The following IL12RB1 variants were observed in gnomAD, a reference collection of about 807,000 sequenced individuals.
IL12RB1 encodes the protein interleukin 12 receptor subunit beta 1.
In IL12RB1, 64 loss-of-function variants were observed where a neutral mutation model predicts 94.4. The observed-to-expected ratio is 0.68, with a 90% CI of 0.55 to 0.83. The LOEUF (loss-of-function observed/expected upper bound fraction) is 0.83. Ranked by LOEUF, IL12RB1 falls within the 40% of genes least tolerant of loss-of-function variation. The pLI is 0.00. For missense variants in IL12RB1, 814 were observed against 855.6 expected (o/e 0.95, Z 0.61); for synonymous variants, 362 against 355.5 (o/e 1.02, Z -0.21).
At chr19:18,068,615 C>T (rs1172058194) in intron 10 of IL12RB1, 89 bp from the exon 11 acceptor site, 8 of 1,075,962 alleles carry the variant, frequency 7.4e-6, no homozygotes, top group Non-Finnish European at 1.1e-5. Flanking sequence ...GCCAGGAACC[C>T]CCAGAAAACT....
intron 1 of IL12RB1, chr19:18,097,864 A>G: frequency 2.5e-6 from 3 of 1,216,834 alleles, no homozygotes; most frequent in Non-Finnish European, 3.1e-6. Flanking sequence ...CGGAAGGCAG[A>G]GGGCGCGGCC....
In IL12RB1 at chr19:18,061,149, G is replaced by A. The variant is rs368969256; in HGVS notation, c.1764C>T (p.Ser588=). The change falls in exon 15 of 17, where the codon TCC becomes TCT. Residue 588 remains serine (S), a synonymous_variant. Coordinates refer to ENST00000593993, the MANE Select transcript of IL12RB1 (RefSeq NM_005535.3). ...CPPLPTPCAS[S]AIEFPGGKET... ...CCTTCCCTCCAGGGAACTCAATGGC[G>A]GAGCTGGCACAGGGTGTGGGCAGCG... The A allele has an allele frequency of 3.1e-5, 49 of 1,601,846 alleles. No individual in the cohort carries two copies. The African/African-American group carries it at 4.8e-4, about 16-fold the overall frequency.
intron 12 of IL12RB1, 83 bp from the exon 13 acceptor site, chr19:18,064,093 G>T: frequency 1.1e-6 from 1 of 904,260 alleles, no homozygotes; most frequent in Non-Finnish European, 1.8e-6. Flanking sequence ...CTGTGGGTGG[G>T]GTGGGGATTC....
chr19:18,061,485 C>A (rs2034123897), intron 14 of IL12RB1, among the ~76,000 whole-genome samples: 1 of 152,144 alleles, frequency 6.6e-6, no homozygotes, highest in Non-Finnish European at 1.5e-5. Context: ...CTGCCTCAGC[C>A]TCCCAAAGTG....
upstream of IL12RB1, among the ~76,000 whole-genome samples, chr19:18,087,812 G>A (rs1039704023): frequency 1.3e-5 from 2 of 151,964 alleles, no homozygotes; most frequent in South Asian, 4.2e-4. Flanking sequence ...GTGAGCCACC[G>A]CACCGGGCCA....
upstream of IL12RB1, chr19:18,087,150 G>A: frequency 2.3e-6 from 1 of 436,074 alleles, no homozygotes; most frequent in South Asian, 2.2e-5. Context: ...CCAGCCCCAT[G>A]GGCCCATGGG....
chr19:18,096,690 G>T (rs1042500129), intron 1 of IL12RB1, among the ~76,000 whole-genome samples: 54 of 151,556 alleles, frequency 3.6e-4, no homozygotes, highest in African/African-American at 1.3e-3. Flanking sequence ...CAAAAAATCA[G>T]CCTGGTGTGG....
At chr19:18,077,895 T>C (rs2035604350) in intron 4 of IL12RB1, among the ~76,000 whole-genome samples, 1 of 152,112 alleles carries the variant, frequency 6.6e-6, no homozygotes, top group African/African-American at 2.4e-5. Flanking sequence ...GGAAGATCAC[T>C]TAAGCCCAGG....
intron 1 of IL12RB1, among the ~76,000 whole-genome samples, chr19:18,084,162 C>T (rs2036141050): frequency 6.7e-6 from 1 of 149,490 alleles, no homozygotes; most frequent in African/African-American, 2.5e-5. Context: ...CATCCATCTA[C>T]TCATCCATCC....
intron 2 of IL12RB1, among the ~76,000 whole-genome samples, chr19:18,082,681 C>T (rs932983835): frequency 1.3e-5 from 2 of 152,172 alleles, no homozygotes; most frequent in African/African-American, 2.4e-5. Flanking sequence ...GAACTGTGTC[C>T]GCACATAGAA....
chr19:18,083,382 A>T, intron 2 of IL12RB1, 50 bp downstream of exon 2: 1 of 1,554,956 alleles, frequency 6.4e-7, no homozygotes, highest in Non-Finnish European at 8.9e-7. Context: ...GGATGGGGTC[A>T]GGCAGAGCCC....
chr19:18,068,338 A>T, intron 11 of IL12RB1, 51 bp downstream of exon 11: 1 of 1,464,286 alleles, frequency 6.8e-7, no homozygotes, highest in Non-Finnish European at 9.2e-7. Flanking sequence ...TATTTTTTTA[A>T]ATTATTTAAA....
At chr19:18,083,577 G>A (rs2036064735) in intron 1 of IL12RB1, 86 bp from the exon 2 acceptor site, 3 of 1,340,570 alleles carry the variant, frequency 2.2e-6, no homozygotes, top group East Asian at 2.3e-5. Context: ...ACACCCAAGT[G>A]ATCATCAGCC....
chr19:18,072,815 T>C (rs1461754512), intron 8 of IL12RB1, among the ~76,000 whole-genome samples: 5 of 151,540 alleles, frequency 3.3e-5, no homozygotes, highest in South Asian at 2.1e-4. Context: ...GGCATGGTGG[T>C]GGGCGCCTGT....
intron 1 of IL12RB1, among the ~76,000 whole-genome samples, chr19:18,084,745 C>T (rs2146468865): frequency 6.6e-6 from 1 of 152,284 alleles, no homozygotes; most frequent in South Asian, 2.1e-4. Context: ...ATTCATTTAC[C>T]CACCCATCCA....
chr19:18,086,988 A>T (rs976137623), upstream of IL12RB1: 2 of 1,464,562 alleles, frequency 1.4e-6, no homozygotes, highest in African/African-American at 2.8e-5. Flanking sequence ...CCCTAAGGCA[A>T]GTCAAAGTGA....
rs1469010726 is a variant in IL12RB1, at chr19:18,086,744, G to C, written c.64+16C>G. On this transcript the variant is annotated intron_variant, in intron 1 of 16. Coordinates refer to ENST00000593993, the MANE Select transcript of IL12RB1 (RefSeq NM_005535.3). ...CCCAGCAAGAGGAGCCGCCATGCCA[G>C]GGTCAGGGGACTCACCGCCCTGCCT... The C allele has an allele frequency of 6.2e-7, 1 of 1,605,350 alleles. No homozygotes were observed. Among genetic ancestry groups the C allele is most frequent in the East Asian group, 2.2e-5 (1 of 44,530 alleles).
Position 18,066,694 on chromosome 19 carries a change from G to A in IL12RB1, c.1331C>T (p.Ser444Leu), listed in dbSNP as rs150767749. 1.9e-6 allele frequency: 3 copies of A among 1,609,344 alleles called. No homozygotes were observed. The South Asian group carries it at 3.3e-5, about 18-fold the overall frequency. Reference sequence around the variant, plus strand: ...GACGTGGTGCGGTGTCCCAGCTGCTGAGGCTGCAACCAGTACCATTGTCAT... The same window carrying A: ...GACGTGGTGCGGTGTCCCAGCTGCTAAGGCTGCAACCAGTACCATTGTCAT... The part of the protein sequence containing the change: ...LSTYHFGGNA[S>L]AAGTPHHVSV... The change falls in exon 12 of 17, where the codon TCA becomes TTA. Residue 444 changes from serine to leucine, a missense_variant. Ser to Leu is a moderately radical substitution (Grantham distance 145, BLOSUM62 -2). Transcript: ENST00000593993.
rs536729315 is a variant in IL12RB1 at position 18,072,548 on chromosome 19, G to A, written c.784-199C>T. Among the ~76,000 whole-genome samples the A allele has an allele frequency of 1.0e-3, 153 of 152,268 alleles. 2 individuals are homozygous for A. The highest frequency in any genetic ancestry group is 1.8e-3 in the Non-Finnish European group (125 of 68,026). Reference sequence around the variant, plus strand: ...GGCATTCACCTCCCGCACACATCTAGCTTGAGGGAGGTGGGAAATTGACAA... The same window carrying A: ...GGCATTCACCTCCCGCACACATCTAACTTGAGGGAGGTGGGAAATTGACAA... On this transcript the variant is annotated intron_variant, in intron 8 of 16. Coordinates refer to ENST00000593993, the MANE Select transcript of IL12RB1 (RefSeq NM_005535.3).
Sources: gnomAD v4.1 joint callset for allele counts (sites outside exome capture counted in the v4.1 genomes callset) on GRCh38, gnomAD v4.1.1 for gene constraint, MANE v1.5 for transcripts, NCBI Gene and HGNC (gene_info 2026-07-23, HGNC 2026-07-21) for gene names.